NHSL2: variants seen among roughly 807,000 people sequenced by gnomAD.
NHSL2 encodes the protein NHS-like protein 2.
NHSL2 carries 27 observed loss-of-function variants against 53.4 expected under a neutral mutation model. That is an observed-to-expected ratio of 0.51 (90% confidence interval 0.37 to 0.70). The LOEUF is 0.70. Ranked by LOEUF, NHSL2 falls within the 30% of genes least tolerant of loss-of-function variation. The pLI is 0.00. For synonymous variants in NHSL2, 408 were observed against 404.1 expected (o/e 1.01, Z -0.12); for missense variants, 892 against 980.1 (o/e 0.91, Z 1.20).
chrX:71,961,178 A>G (rs753175702), intron 1 of NHSL2, among the ~76,000 whole-genome samples: 1 of 111,401 alleles, frequency 9.0e-6, no homozygotes, highest in African/African-American at 3.3e-5. Context: ...GTCATTTTTG[A>G]TTGTTTATTG....
chrX:72,114,219 A>T (rs957004895), intron 1 of NHSL2, among the ~76,000 whole-genome samples: 2 of 112,357 alleles, frequency 1.8e-5, no homozygotes, highest in Non-Finnish European at 3.7e-5. Flanking sequence ...AACTATGTTA[A>T]GCATGTTTCG....
chrX:72,115,057 A>G (rs955124603), intron 1 of NHSL2, among the ~76,000 whole-genome samples: 3 of 111,413 alleles, frequency 2.7e-5, no homozygotes, highest in African/African-American at 9.8e-5. Flanking sequence ...CATTTTGTTA[A>G]TATAGAAAGC....
intron 1 of NHSL2, among the ~76,000 whole-genome samples, chrX:72,004,197 A>G (rs1369619358): frequency 8.9e-6 from 1 of 112,179 alleles, no homozygotes; most frequent in Non-Finnish European, 1.9e-5. Context: ...GAGACAGAGA[A>G]TGAGAAGACA....
chrX:72,041,333 C>T (rs760963922), intron 1 of NHSL2, among the ~76,000 whole-genome samples: 78 of 111,520 alleles, frequency 7.0e-4, no homozygotes, highest in Non-Finnish European at 1.4e-3. Flanking sequence ...GGGATGTGTG[C>T]GGACCGTGGG....
chrX:72,063,977 A>G (rs2042413643), intron 1 of NHSL2, among the ~76,000 whole-genome samples: 1 of 110,864 alleles, frequency 9.0e-6, no homozygotes, highest in Admixed American at 9.6e-5. Context: ...TTCATGGGGG[A>G]GGAGACATTT....
rs767777266 is a variant in NHSL2 at position 72,140,454 on chromosome X, G to A, written c.2906G>A (p.Gly969Glu). Residue 969 changes from glycine to glutamate, a missense_variant, in exon 6 of 8, where the codon GGA becomes GAA. Gly to Glu is a moderately conservative substitution (Grantham distance 98). Coordinates refer to ENST00000633930, the MANE Select transcript of NHSL2 (RefSeq NM_001013627.3). ...FFSGTQQPPQ[G>E]SVEDEGPKVR... ...TCAGGAACACAGCAGCCTCCCCAGG[G>A]AAGTGTAGAGGACGAGGGCCCCAAG... 4.1e-6 allele frequency: 5 copies of A among 1,209,387 alleles called. No homozygotes were observed. The highest frequency in any genetic ancestry group is 3.5e-5 in the South Asian group (2 of 56,586).
At chrX:72,053,253 A>G (rs996489933) in intron 1 of NHSL2, among the ~76,000 whole-genome samples, 2 of 111,373 alleles carry the variant, frequency 1.8e-5, no homozygotes, top group African/African-American at 6.5e-5. Flanking sequence ...TCTTCTGAGA[A>G]GTTAGGGGGC....
chrX:71,968,127 T>C (rs1438906943), intron 1 of NHSL2, among the ~76,000 whole-genome samples: 1 of 109,173 alleles, frequency 9.2e-6, no homozygotes, highest in Non-Finnish European at 1.9e-5. Flanking sequence ...CTCCCTAGTA[T>C]CTGGGACCAC....
chrX:72,136,297 C>T (rs1282790853), intron 4 of NHSL2, among the ~76,000 whole-genome samples: 1 of 111,547 alleles, frequency 9.0e-6, no homozygotes, highest in Non-Finnish European at 1.9e-5. Context: ...TTAAGTAAGG[C>T]ATATTATTGA....
intron 1 of NHSL2, 103 bp downstream of exon 1, chrX:71,911,470 G>GCCCCT (rs1172333047): frequency 3.2e-5 from 23 of 720,235 alleles, no homozygotes; most frequent in African/African-American, 1.4e-4. Flanking sequence ...GCCTCTCTCC[G>GCCCCT]CCCCTCCCCT....
Position 72,119,817 on chromosome X carries a change from C to T in NHSL2, c.281-12262C>T, listed in dbSNP as rs73565805. 5.4e-3 allele frequency among the ~76,000 whole-genome samples: 600 copies of T among 112,002 alleles called. 3 individuals are homozygous for T. The highest frequency in any genetic ancestry group is 0.019 in the African/African-American group (577 of 30,805). On this transcript the variant is annotated intron_variant, in intron 1 of 7. Coordinates refer to ENST00000633930, the MANE Select transcript of NHSL2 (RefSeq NM_001013627.3). ...AAGTAGGGAAAGTGGATACCCTTGTCTTGTTCCTGATCTTAGGGGAAAAGC... is the reference window on the plus strand; with the variant it reads ...AAGTAGGGAAAGTGGATACCCTTGTTTTGTTCCTGATCTTAGGGGAAAAGC...
At chrX:72,129,499 A>G in intron 1 of NHSL2, 1 of 243,536 alleles carries the variant, frequency 4.1e-6, no homozygotes, top group Non-Finnish European at 7.4e-6. Flanking sequence ...AGGGTTAGGA[A>G]CAACCAGAGG....
At chrX:72,119,463 A>G (rs1047832314) in intron 1 of NHSL2, among the ~76,000 whole-genome samples, 1 of 112,283 alleles carries the variant, frequency 8.9e-6, no homozygotes, top group Non-Finnish European at 1.9e-5. Flanking sequence ...TTAGCATACA[A>G]GTTTCACGCC....
At position 72,144,704 on chromosome X, in the gene NHSL2, GCACACACACACACACACACACA is replaced by G. The variant is rs55912050; in HGVS notation, c.*1151_*1172del. On this transcript the variant is annotated 3_prime_UTR_variant, in exon 8 of 8. Transcript: ENST00000633930. ...CTTGCCAGTTGCTATGGCCCATAAT[GCACACACACACACACACACACA>G]CACACACACACACACACACAAAAGG... 6.0e-6 allele frequency: 1 copy of G among 167,274 alleles called. No individual in the cohort carries two copies. Among genetic ancestry groups the G allele is most frequent in the Non-Finnish European group, 1.2e-5 (1 of 82,405 alleles). 13.8% of individuals were successfully genotyped at this position (167,274 alleles called of 1,213,427 possible).
At chrX:72,013,536 CT>C (rs60217492) in intron 1 of NHSL2, among the ~76,000 whole-genome samples, 1,343 of 96,532 alleles carry the variant, frequency 0.014, 15 homozygotes, top group African/African-American at 0.037. Flanking sequence ...CTTTTTTCTT[CT>C]TTTTTTTTTT....
intron 2 of NHSL2, chrX:72,133,836 T>C (rs1219733722): frequency 4.8e-5 from 14 of 291,652 alleles, no homozygotes; most frequent in Non-Finnish European, 6.0e-5. Flanking sequence ...GTGGGGATCA[T>C]TGAGATAAGG....
chrX:72,029,193 T>C (rs776406711), intron 1 of NHSL2, among the ~76,000 whole-genome samples: 1 of 111,397 alleles, frequency 9.0e-6, no homozygotes, highest in Admixed American at 9.5e-5. Context: ...GAGTCATAAC[T>C]GGCAGCTCAC....
rs1268644353 is a variant in NHSL2 at position 72,147,793 on chromosome X, G to A, written c.*4219G>A. ...CCTCCTAAGAAAAACCTGCTCTCAG[G>A]AAAGGGATAAATTCATTTACTTTGA... On this transcript the variant is annotated 3_prime_UTR_variant, in exon 8 of 8. Transcript: ENST00000633930. The A allele has an allele frequency of 8.9e-6, 1 of 111,896 alleles. No individual in the cohort carries two copies. The highest frequency in any genetic ancestry group is 1.9e-5 in the Non-Finnish European group (1 of 53,221). The allele number at this position is 111,896 out of a possible 1,213,427, so 9.2% of individuals were successfully genotyped here.
At chrX:72,108,960 A>G (rs1296518035) in intron 1 of NHSL2, among the ~76,000 whole-genome samples, 1 of 111,227 alleles carries the variant, frequency 9.0e-6, no homozygotes, top group African/African-American at 3.3e-5. Flanking sequence ...TTTTCTTGCC[A>G]TGCTCCCCTC....
Sources: allele counts gnomAD v4.1 joint callset (sites outside exome capture counted in the v4.1 genomes callset), GRCh38; gene constraint gnomAD v4.1.1; transcripts MANE v1.5; gene names NCBI Gene and HGNC (gene_info 2026-07-23, HGNC 2026-07-21).